The following CADM1 variants were observed in gnomAD, a reference collection of about 807,000 sequenced individuals.
The protein encoded by CADM1 is TSLC-1.
In CADM1, 15 loss-of-function variants were observed where a neutral mutation model predicts 53.1. The ratio of observed to expected loss-of-function variants is 0.28; its 90% CI spans 0.19 to 0.44. The LOEUF is 0.44. Ranked by LOEUF, CADM1 falls within the 20% of genes least tolerant of loss-of-function variation. The pLI is 1.00. For missense variants in CADM1, 434 were observed against 611.3 expected (o/e 0.71, Z 3.06); for synonymous variants, 281 against 243.0 (o/e 1.16, Z -1.45).
chr11:115,259,591 C>T (rs1942906719), intron 1 of CADM1, among the ~76,000 whole-genome samples: 1 of 152,092 alleles, frequency 6.6e-6, no homozygotes, highest in Admixed American at 6.5e-5. Flanking sequence ...CAGGTGGGAG[C>T]CACCATGTCC....
chr11:115,503,204 CT>C (rs1415755191), intron 1 of CADM1, among the ~76,000 whole-genome samples: 3 of 152,222 alleles, frequency 2.0e-5, no homozygotes, highest in Non-Finnish European at 4.4e-5. Context: ...CTCCGGCTCC[CT>C]TTTGTTAGCA....
chr11:115,261,479 A>T (rs1774742499), intron 1 of CADM1, among the ~76,000 whole-genome samples: 1 of 152,038 alleles, frequency 6.6e-6, no homozygotes, highest in African/African-American at 2.4e-5. Context: ...CAATCCCATA[A>T]CTCTGAGATA....
rs539147496 is a variant in CADM1 at position 115,213,215 on chromosome 11, A to G, written c.994+1393T>C. Among the ~76,000 whole-genome samples the G allele has an allele frequency of 1.3e-4, 20 of 152,280 alleles. 1 individual carries two copies. In the South Asian group the frequency reaches 3.7e-3, roughly 28 times the overall value. On this transcript the variant is annotated intron_variant, in intron 7 of 11. Coordinates refer to ENST00000331581, the MANE Select transcript of CADM1 (RefSeq NM_001301043.2). Reference sequence around the variant, plus strand: ...AGAGCACATGCAGAAAAAGGGAGGAATGTACTTTTCACCCCCGCCGAGCAG... The same window carrying G: ...AGAGCACATGCAGAAAAAGGGAGGAGTGTACTTTTCACCCCCGCCGAGCAG...
intron 1 of CADM1, among the ~76,000 whole-genome samples, chr11:115,408,404 T>G (rs1947370987): frequency 6.6e-6 from 1 of 152,212 alleles, no homozygotes; most frequent in Admixed American, 6.5e-5. Context: ...GTTCAAGATC[T>G]GGGACTGAAA....
At chr11:115,431,210 GATT>G (rs1409236090) in intron 1 of CADM1, among the ~76,000 whole-genome samples, 2 of 152,084 alleles carry the variant, frequency 1.3e-5, no homozygotes, top group Non-Finnish European at 2.9e-5. Context: ...GCAAAATAAG[GATT>G]ATTTCGTGTT....
At chr11:115,490,834 G>A (rs144873055) in intron 1 of CADM1, among the ~76,000 whole-genome samples, 1 of 152,326 alleles carries the variant, frequency 6.6e-6, no homozygotes, top group African/African-American at 2.4e-5. Flanking sequence ...TCTTGGACAA[G>A]GGACCTATTA....
chr11:115,425,307 A>C (rs1391214788), intron 1 of CADM1, among the ~76,000 whole-genome samples: 3 of 152,224 alleles, frequency 2.0e-5, no homozygotes, highest in African/African-American at 7.2e-5. Context: ...AAGTATTGCC[A>C]TTTTACAGTA....
chr11:115,273,871 A>C (rs1049957362), intron 1 of CADM1, among the ~76,000 whole-genome samples: 1 of 152,222 alleles, frequency 6.6e-6, no homozygotes, highest in African/African-American at 2.4e-5. Context: ...CCATCTTTGA[A>C]GATACATGAC....
At chr11:115,268,358 G>A (rs1943204757) in intron 1 of CADM1, among the ~76,000 whole-genome samples, 1 of 152,152 alleles carries the variant, frequency 6.6e-6, no homozygotes, top group South Asian at 2.1e-4. Context: ...AAAGGTTGCT[G>A]GACAATGCTA....
At chr11:115,344,446 T>A (rs975403600) in intron 1 of CADM1, among the ~76,000 whole-genome samples, 1 of 152,186 alleles carries the variant, frequency 6.6e-6, no homozygotes, top group African/African-American at 2.4e-5. Context: ...CATTACATTG[T>A]GGATTATATC....
intron 1 of CADM1, among the ~76,000 whole-genome samples, chr11:115,441,924 C>T (rs1948322589): frequency 6.6e-6 from 1 of 151,974 alleles, no homozygotes; most frequent in South Asian, 2.1e-4. Flanking sequence ...GAGAACAATA[C>T]ACATTCAATA....
intron 1 of CADM1, among the ~76,000 whole-genome samples, chr11:115,352,511 ATTTTC>A (rs992685426): frequency 1.3e-5 from 2 of 152,184 alleles, no homozygotes; most frequent in African/African-American, 4.8e-5. Context: ...TAGAGGAAAT[ATTTTC>A]TTTTCCCAGA....
chr11:115,208,872 T>C (rs1234238004), intron 8 of CADM1, among the ~76,000 whole-genome samples: 2 of 152,114 alleles, frequency 1.3e-5, no homozygotes, highest in South Asian at 2.1e-4. Context: ...CCTCCCTCAG[T>C]GACAGAAACA....
At chr11:115,353,655 G>A (rs1394650040) in intron 1 of CADM1, among the ~76,000 whole-genome samples, 1 of 152,126 alleles carries the variant, frequency 6.6e-6, no homozygotes, top group East Asian at 1.9e-4. Flanking sequence ...AAGTTGAAGG[G>A]TGACTTGAGT....
In CADM1 at chr11:115,498,153, C is replaced by G. The variant is rs546534139; in HGVS notation, c.124+6118G>C. Among the ~76,000 whole-genome samples the G allele has an allele frequency of 4.8e-4, 73 of 152,224 alleles. 1 individual carries two copies. Among genetic ancestry groups the G allele is most frequent in the African/African-American group, 1.6e-3 (65 of 41,536 alleles). On this transcript the variant is annotated intron_variant, in intron 1 of 11. Coordinates refer to ENST00000331581, the MANE Select transcript of CADM1 (RefSeq NM_001301043.2). Reference sequence around the variant, plus strand: ...TAAGAAGTAAAGGTAGTAACCTTTTCTCTCCCCACCATCCTTCACCACCAT... The same window carrying G: ...TAAGAAGTAAAGGTAGTAACCTTTTGTCTCCCCACCATCCTTCACCACCAT...
At chr11:115,491,155 G>T (rs1033517167) in intron 1 of CADM1, among the ~76,000 whole-genome samples, 2 of 151,964 alleles carry the variant, frequency 1.3e-5, no homozygotes, top group Non-Finnish European at 2.9e-5. Flanking sequence ...AAGGAGAAGG[G>T]TTAAAAAAAG....
chr11:115,247,781 G>A (rs1290138631), intron 1 of CADM1, among the ~76,000 whole-genome samples: 1 of 152,162 alleles, frequency 6.6e-6, no homozygotes, highest in Admixed American at 6.5e-5. Context: ...GCACAGCAAG[G>A]TTTCTCCTTC....
At chr11:115,421,427 G>A (rs549714237) in intron 1 of CADM1, among the ~76,000 whole-genome samples, 135 of 152,266 alleles carry the variant, frequency 8.9e-4, no homozygotes, top group Middle Eastern at 3.4e-3. Context: ...TCGACCTGTC[G>A]CATCTCAACA....
intron 1 of CADM1, among the ~76,000 whole-genome samples, chr11:115,424,120 C>G (rs973048089): frequency 1.3e-5 from 2 of 152,166 alleles, no homozygotes; most frequent in Admixed American, 1.3e-4. Flanking sequence ...GGTGGGGAAA[C>G]GACATCCTAA....
Sources: allele counts gnomAD v4.1 joint callset (sites outside exome capture counted in the v4.1 genomes callset), GRCh38; gene constraint gnomAD v4.1.1; transcripts MANE v1.5; gene names NCBI Gene and HGNC (gene_info 2026-07-23, HGNC 2026-07-21).